Variants in AKAP9 observed in about 807,000 individuals in gnomAD.
AKAP9 encodes A-kinase anchoring protein 9.
In AKAP9, 311 loss-of-function variants were observed where a neutral mutation model predicts 488.5. That is an observed-to-expected ratio of 0.64 (90% CI 0.58 to 0.70). The LOEUF (loss-of-function observed/expected upper bound fraction) is 0.70. Ranked by LOEUF, AKAP9 falls within the 30% of genes least tolerant of loss-of-function variation. The probability of loss-of-function intolerance (pLI) is 0.00; values close to 1 mark genes in which losing one functional copy is unlikely to be tolerated. For synonymous variants in AKAP9, 1,462 were observed against 1,483.5 expected (o/e 0.99, Z 0.33); for missense variants, 4,215 against 4,374.5 (o/e 0.96, Z 1.03).
intron 15 of AKAP9, among the ~76,000 whole-genome samples, chr7:92,030,855 C>T (rs1296741740): frequency 6.6e-6 from 1 of 152,168 alleles, no homozygotes; most frequent in Non-Finnish European, 1.5e-5. Context: ...AAACTGGCAA[C>T]TGCCAAACCC....
chr7:91,946,891 A>G (rs2130448040), intron 1 of AKAP9, among the ~76,000 whole-genome samples: 1 of 152,374 alleles, frequency 6.6e-6, no homozygotes, highest in African/African-American at 2.4e-5. Context: ...AAAGGTTCAT[A>G]GTAAAAGCTA....
chr7:92,003,066 T>C lies in AKAP9; in HGVS notation c.3149T>C (p.Val1050Ala). The change falls in exon 8 of 50, where the codon GTG (valine) becomes GCG (alanine). Residue 1050 changes from valine (V) to alanine (A), a missense_variant. Val to Ala is a moderately conservative substitution (Grantham distance 64). Around this residue, in one of 5 missense-constraint regions of AKAP9, gnomAD observed 2,361 missense variants for 2,430.0 expected, o/e 0.97. Coordinates refer to ENST00000356239, the MANE Select transcript of AKAP9 (RefSeq NM_005751.5). ...TTTGGTGAAGAATCAAAAATAATGG[T>C]GGAAGATAAAGTTTCTTTTGAAAAT... Reference protein sequence around the residue: ...KSFGEESKIMVEDKVSFENMT... With the variant: ...KSFGEESKIMAEDKVSFENMT... 1 of 1,613,002 alleles carries C rather than the reference T, an allele frequency of 6.2e-7. No homozygotes were observed. Among genetic ancestry groups the C allele is most frequent in the Non-Finnish European group, 8.5e-7 (1 of 1,179,554 alleles).
intron 40 of AKAP9, 39 bp from the exon 41 acceptor site, chr7:92,096,650 A>C: frequency 1.9e-6 from 3 of 1,611,356 alleles, no homozygotes; most frequent in Non-Finnish European, 2.5e-6. Context: ...TATTTTTAAT[A>C]ATATTAACAA....
chr7:92,098,123 C>G lies in AKAP9; in HGVS notation c.10622C>G (p.Thr3541Arg). The G allele has an allele frequency of 6.2e-7, 1 of 1,608,724 alleles. No homozygotes were observed. Among genetic ancestry groups the G allele is most frequent in the Non-Finnish European group, 8.5e-7 (1 of 1,175,416 alleles). ...QKASERLQFE[T>R]ADDEDFIWVQ... is the part of the protein sequence containing the mutation. ...TTTTCTTGAAGACTACAGTTTGAAA[C>G]AGCAGATGATGAAGATTTCATTTGG... The change falls in exon 43 of 50, where the codon ACA becomes AGA. Residue 3541 changes from threonine to arginine, a missense_variant. Thr to Arg is a moderately conservative substitution (Grantham distance 71). This residue lies in a region of AKAP9 where 1,476 missense variants were observed against 1,477.4 expected (regional missense o/e 1.00). Transcript: ENST00000356239.
intron 49 of AKAP9, among the ~76,000 whole-genome samples, chr7:92,109,646 T>C (rs1178432256): frequency 6.6e-6 from 1 of 152,172 alleles, no homozygotes; most frequent in Non-Finnish European, 1.5e-5. Context: ...AAAGTCAGCT[T>C]AAGTATATGG....
At chr7:91,945,508 AAAAACAAAAC>A (rs1181143051) in intron 1 of AKAP9, among the ~76,000 whole-genome samples, 4 of 152,168 alleles carry the variant, frequency 2.6e-5, no homozygotes, top group Non-Finnish European at 1.5e-5. Context: ...CTCTGTCTCA[AAAAACAAAAC>A]AAAACAAAAA....
chr7:92,042,851 A>G lies in AKAP9; in HGVS notation c.5162+80A>G, dbSNP rs1207443656. On this transcript the variant is annotated intron_variant, in intron 20 of 49. Transcript: ENST00000356239. The stretch of plus-strand genomic sequence containing the variant: ...TGTAATAGACTTTGTCCTTATTTTT[A>G]TCTTGTACATTGATACTTTGTCTTA... The G allele has an allele frequency of 2.6e-5, 24 of 932,202 alleles. No individual in the cohort carries two copies. The East Asian group carries it at 5.8e-4, about 22-fold the overall frequency. The allele number at this position is 932,202 out of a possible 1,614,324, so 57.7% of individuals were successfully genotyped here.
intron 7 of AKAP9, among the ~76,000 whole-genome samples, chr7:91,998,018 G>A (rs1798615497): frequency 6.6e-6 from 1 of 152,160 alleles, no homozygotes; most frequent in Admixed American, 6.5e-5. Context: ...CAGTTTCGTG[G>A]AAGACACTTT....
At chr7:92,070,478 A>G (rs1763605890) in intron 27 of AKAP9, among the ~76,000 whole-genome samples, 1 of 151,914 alleles carries the variant, frequency 6.6e-6, no homozygotes, top group Non-Finnish European at 1.5e-5. Flanking sequence ...CTTCTTGCCC[A>G]GGCTGGAGTG....
intron 1 of AKAP9, among the ~76,000 whole-genome samples, chr7:91,961,154 A>G (rs1222012691): frequency 6.6e-6 from 1 of 152,148 alleles, no homozygotes; most frequent in African/African-American, 2.4e-5. Context: ...AATTGACATT[A>G]TAAAAACTTG....
intron 8 of AKAP9, among the ~76,000 whole-genome samples, chr7:92,003,472 C>T (rs938765258): frequency 2.6e-5 from 4 of 151,720 alleles, no homozygotes; most frequent in African/African-American, 9.7e-5. Flanking sequence ...GGAAATAAAA[C>T]ACTAATGGAT....
intron 1 of AKAP9, among the ~76,000 whole-genome samples, chr7:91,942,963 G>A (rs1485618757): frequency 2.6e-5 from 4 of 151,942 alleles, no homozygotes; most frequent in Non-Finnish European, 5.9e-5. Context: ...AGCCTGGGGC[G>A]AGAGGATTGC....
rs374455304 is a variant in AKAP9, at chr7:92,001,492, T to C, written c.1575T>C (p.Ala525=). ...GACTAATTTTAGAAGAAAAGTGTGCTCTACAGAGACAGCTTGAAGACCTTG... is the reference window on the plus strand; with the variant it reads ...GACTAATTTTAGAAGAAAAGTGTGCCCTACAGAGACAGCTTGAAGACCTTG... ...ELGLILEEKC[A]LQRQLEDLVE... is the part of the protein sequence containing the mutation. The change falls in exon 8 of 50, where the codon GCT becomes GCC. Residue 525 remains alanine (A), a synonymous_variant. Transcript: ENST00000356239. 222 of 1,613,822 alleles carry C rather than the reference T, an allele frequency of 1.4e-4. No homozygotes were observed. Among genetic ancestry groups the C allele is most frequent in the Admixed American group, 7.5e-4 (45 of 59,990 alleles).
chr7:91,982,469 G>T (rs1796555651), intron 3 of AKAP9, among the ~76,000 whole-genome samples: 1 of 151,992 alleles, frequency 6.6e-6, no homozygotes, highest in African/African-American at 2.4e-5. Flanking sequence ...GTGATAGTTT[G>T]CTCAGAATGA....
intron 1 of AKAP9, among the ~76,000 whole-genome samples, chr7:91,960,918 C>G (rs182650803): frequency 5.3e-5 from 8 of 152,252 alleles, no homozygotes; most frequent in Non-Finnish European, 2.9e-5. Context: ...ATACCACCTC[C>G]TTAAATATAT....
chr7:92,099,857 T>C lies in AKAP9; in HGVS notation c.10884T>C (p.Ala3628=). The C allele has an allele frequency of 6.2e-7, 1 of 1,614,012 alleles. No homozygotes were observed. The highest frequency in any genetic ancestry group is 8.5e-7 in the Non-Finnish European group (1 of 1,179,926). Residue 3628 remains alanine, a synonymous_variant, in exon 44 of 50, where the codon GCT becomes GCC. Transcript: ENST00000356239. ...TCAGGTGGTATCGACAGACAGGAGC[T>C]GGTAGAGATAATGTATGTCCATTTT... ...EQIRWYRQTG[A]GRDNSSRFSL...
chr7:92,102,580 T>C lies in AKAP9; in HGVS notation c.11098-14T>C, dbSNP rs772834792. 18 of 1,609,334 alleles carry C rather than the reference T, an allele frequency of 1.1e-5. No homozygotes were observed. The highest frequency in any genetic ancestry group is 1.7e-6 in the Non-Finnish European group (2 of 1,175,772). ...TTCTTAATGTCTTTACATTCTTCTCTTCCCTAAATATAGAGAATTTATGGT... is the reference window on the plus strand; with the variant it reads ...TTCTTAATGTCTTTACATTCTTCTCCTCCCTAAATATAGAGAATTTATGGT... On this transcript the variant is annotated splice_polypyrimidine_tract_variant and intron_variant, in intron 45 of 49. Coordinates refer to ENST00000356239, the MANE Select transcript of AKAP9 (RefSeq NM_005751.5).
chr7:91,951,616 C>T (rs1029746476), intron 1 of AKAP9, among the ~76,000 whole-genome samples: 1 of 152,190 alleles, frequency 6.6e-6, no homozygotes, highest in African/African-American at 2.4e-5. Context: ...TGAGCCACCA[C>T]GCCCAGCCAA....
intron 3 of AKAP9, among the ~76,000 whole-genome samples, chr7:91,991,955 C>T (rs1253629831): frequency 6.6e-6 from 1 of 152,134 alleles, no homozygotes; most frequent in Non-Finnish European, 1.5e-5. Context: ...TGTAAGCACT[C>T]AGATTTGTGA....
Sources: allele counts gnomAD v4.1 joint callset (sites outside exome capture counted in the v4.1 genomes callset), GRCh38; gene constraint gnomAD v4.1.1; regional missense constraint gnomAD v4.1.1; transcripts MANE v1.5; gene names NCBI Gene and HGNC (gene_info 2026-07-23, HGNC 2026-07-21).